NEDD9: variants seen among roughly 807,000 people sequenced by gnomAD.
NEDD9 encodes the protein enhancer of filamentation 1.
NEDD9 carries 26 observed loss-of-function variants against 76.6 expected under a neutral mutation model. The ratio of observed to expected loss-of-function variants is 0.34; its 90% CI spans 0.25 to 0.47. The LOEUF (loss-of-function observed/expected upper bound fraction) is 0.47, where lower values mean the gene tolerates loss of function less well. Among genes scored for constraint, NEDD9 ranks in the 20% least tolerant of loss-of-function variants. The pLI is 1.00. For missense variants in NEDD9, 937 were observed against 1,058.5 expected (o/e 0.89, Z 1.59); for synonymous variants, 392 against 414.2 (o/e 0.95, Z 0.65).
intron 3 of NEDD9, among the ~76,000 whole-genome samples, chr6:11,271,986 C>T (rs1345987537): frequency 2.0e-5 from 3 of 152,188 alleles, no homozygotes; most frequent in Admixed American, 6.5e-5. Context: ...AAGCATGTTT[C>T]CGTCTAGTTC....
At chr6:11,335,467 A>G (rs1482418182) in intron 1 of NEDD9, among the ~76,000 whole-genome samples, 1 of 152,216 alleles carries the variant, frequency 6.6e-6, no homozygotes, top group Non-Finnish European at 1.5e-5. Flanking sequence ...GGTCAACAAA[A>G]AGGGACAAAT....
intron 3 of NEDD9, among the ~76,000 whole-genome samples, chr6:11,288,103 G>A (rs1760688029): frequency 2.0e-5 from 3 of 152,196 alleles, no homozygotes; most frequent in Admixed American, 2.0e-4. Flanking sequence ...ACTAGAGGTG[G>A]TCATGTTGTT....
At chr6:11,332,458 C>T (rs1044273716) in intron 2 of NEDD9, among the ~76,000 whole-genome samples, 2 of 152,238 alleles carry the variant, frequency 1.3e-5, no homozygotes, top group Non-Finnish European at 1.5e-5. Flanking sequence ...TCTCATCTCT[C>T]GCCTCACATT....
chr6:11,197,576 C>T (rs1165102974), intron 2 of NEDD9, among the ~76,000 whole-genome samples: 1 of 152,178 alleles, frequency 6.6e-6, no homozygotes, highest in African/African-American at 2.4e-5. Context: ...CCGAGAAGGG[C>T]AGATTCTTCC....
intron 1 of NEDD9, among the ~76,000 whole-genome samples, chr6:11,355,054 T>A (rs547702294): frequency 5.3e-5 from 8 of 152,256 alleles, no homozygotes; most frequent in African/African-American, 1.9e-4. Context: ...AGCTAAAGAG[T>A]TCTGACTAAT....
chr6:11,331,591 G>A (rs1309850940), intron 2 of NEDD9, among the ~76,000 whole-genome samples: 2 of 152,038 alleles, frequency 1.3e-5, no homozygotes, highest in South Asian at 2.1e-4. Flanking sequence ...TTGACTGGAG[G>A]AAACTGAAGA....
chr6:11,208,923 A>C (rs1165062734), intron 2 of NEDD9, among the ~76,000 whole-genome samples: 3 of 152,182 alleles, frequency 2.0e-5, no homozygotes, highest in Non-Finnish European at 4.4e-5. Flanking sequence ...ATTAAGTAGA[A>C]TTTTTGCTGT....
At chr6:11,347,631 G>T (rs747877052) in intron 1 of NEDD9, among the ~76,000 whole-genome samples, 12 of 152,142 alleles carry the variant, frequency 7.9e-5, no homozygotes, top group Non-Finnish European at 1.8e-4. Flanking sequence ...GGGACTCAAG[G>T]CTTGTTCAAC....
intron 2 of NEDD9, among the ~76,000 whole-genome samples, chr6:11,332,417 G>A: frequency 6.6e-6 from 1 of 152,168 alleles, no homozygotes; most frequent in East Asian, 1.9e-4. Context: ...TTACCTCCAA[G>A]ACTGGGAGTT....
At position 11,190,557 on chromosome 6, in the gene NEDD9, A is replaced by T. The variant is rs931319263; in HGVS notation, c.1312T>A (p.Tyr438Asn). The T allele has an allele frequency of 3.7e-6, 6 of 1,614,196 alleles. 1 individual carries two copies. The highest frequency in any genetic ancestry group is 4.5e-5 in the East Asian group (2 of 44,876). ...MALVTTDWRCYGYMERHINEI... is the reference protein window; with the variant it reads ...MALVTTDWRCNGYMERHINEI... ...TTGATGTGTCTTTCCATATATCCGT[A>T]ACACCGCCAGTCGGTAGTGACCAGT... is the stretch of plus-strand genomic sequence containing the variant. The change falls in exon 5 of 7, where the codon TAC becomes AAC. Residue 438 changes from tyrosine (Y) to asparagine (N), a missense_variant. Tyr to Asn is a moderately radical substitution (Grantham distance 143). Coordinates refer to ENST00000379446, the MANE Select transcript of NEDD9 (RefSeq NM_006403.4). This position sits in a 1 kb window ranked among gnomAD's most constrained non-coding sequence, Gnocchi z 5.8.
intron 1 of NEDD9, among the ~76,000 whole-genome samples, chr6:11,219,429 T>A (rs1468685944): frequency 6.6e-6 from 1 of 152,228 alleles, no homozygotes; most frequent in Non-Finnish European, 1.5e-5. Flanking sequence ...TCATTCTATA[T>A]TTGTCATGCA....
At chr6:11,308,427 T>G (rs555060354) in intron 2 of NEDD9, among the ~76,000 whole-genome samples, 1 of 140,550 alleles carries the variant, frequency 7.1e-6, no homozygotes, top group South Asian at 2.3e-4. Flanking sequence ...TGGAGTGCAG[T>G]GGCGCAATCT....
intron 3 of NEDD9, among the ~76,000 whole-genome samples, chr6:11,238,413 A>G (rs183650338): frequency 6.6e-6 from 1 of 152,148 alleles, no homozygotes; most frequent in African/African-American, 2.4e-5. Flanking sequence ...ATCTGAGCAC[A>G]TGTTTGTCCG....
chr6:11,259,004 G>T (rs138091778), intron 3 of NEDD9: 30 of 152,464 alleles, frequency 2.0e-4, no homozygotes, highest in African/African-American at 7.2e-4. Context: ...GACAGTTCAT[G>T]TGAAGGAGCA....
chr6:11,356,006 C>T (rs562201771), intron 1 of NEDD9, among the ~76,000 whole-genome samples: 1 of 152,318 alleles, frequency 6.6e-6, no homozygotes, highest in East Asian at 1.9e-4. Flanking sequence ...CAGGCGTGAG[C>T]CACCATGCCC....
intron 2 of NEDD9, among the ~76,000 whole-genome samples, chr6:11,326,756 C>A (rs1387626454): frequency 1.3e-5 from 2 of 152,228 alleles, no homozygotes; most frequent in Non-Finnish European, 2.9e-5. Context: ...GCCTGGGGCC[C>A]AGCTGCCCCT....
At chr6:11,209,469 C>T (rs1357864033) in intron 2 of NEDD9, among the ~76,000 whole-genome samples, 1 of 152,180 alleles carries the variant, frequency 6.6e-6, no homozygotes, top group Non-Finnish European at 1.5e-5. Context: ...TATGTGTTAG[C>T]AAGAAAGCAC....
intron 1 of NEDD9, among the ~76,000 whole-genome samples, chr6:11,215,575 G>T (rs773105351): frequency 5.3e-5 from 8 of 152,170 alleles, no homozygotes; most frequent in Non-Finnish European, 1.0e-4. Flanking sequence ...TAGAGTTACA[G>T]AGGACAAGAT....
chr6:11,278,003 G>A (rs1760450421), intron 3 of NEDD9, among the ~76,000 whole-genome samples: 1 of 152,150 alleles, frequency 6.6e-6, no homozygotes, highest in African/African-American at 2.4e-5. Flanking sequence ...TCCAGCCAGC[G>A]GGAGGGAGGC....
Sources: gnomAD v4.1 joint callset for allele counts (sites outside exome capture counted in the v4.1 genomes callset) on GRCh38, gnomAD v4.1.1 for gene constraint, Gnocchi (gnomAD v3.1) non-coding constraint, MANE v1.5 for transcripts, NCBI Gene and HGNC (gene_info 2026-07-23, HGNC 2026-07-21) for gene names.